The following METTL15 variants were observed in gnomAD, a reference collection of about 807,000 sequenced individuals.
METTL15 encodes the protein 12S rRNA N(4)-cytidine methyltransferase METTL15.
Under a neutral mutation model 38.3 loss-of-function variants are expected in METTL15, and 34 were observed. That is an observed-to-expected ratio of 0.89 (90% confidence interval 0.68 to 1.18). The LOEUF is 1.18. Ranked by LOEUF, METTL15 falls within the 50% of genes most tolerant of loss-of-function variation. The pLI, the probability that METTL15 is intolerant of heterozygous loss-of-function variation, is 0.00. For synonymous variants in METTL15, 162 were observed against 170.9 expected (o/e 0.95, Z 0.41); for missense variants, 438 against 498.4 (o/e 0.88, Z 1.15).
At chr11:28,450,158 A>T (rs144258335) in intron 6 of METTL15, among the ~76,000 whole-genome samples, 1 of 152,346 alleles carries the variant, frequency 6.6e-6, no homozygotes, top group African/African-American at 2.4e-5. Flanking sequence ...CAACTTACCA[A>T]GAGTTCATTA....
At chr11:28,136,275 A>C (rs1469367391) in intron 3 of METTL15, among the ~76,000 whole-genome samples, 1 of 152,122 alleles carries the variant, frequency 6.6e-6, no homozygotes. Flanking sequence ...TAATTGAATC[A>C]TGGGGGCAAT....
chr11:28,168,253 A>G (rs1321710773), intron 3 of METTL15, among the ~76,000 whole-genome samples: 1 of 152,064 alleles, frequency 6.6e-6, no homozygotes, highest in Non-Finnish European at 1.5e-5. Context: ...TCCTTGAGGA[A>G]ACTCACAGTC....
intron 6 of METTL15, among the ~76,000 whole-genome samples, chr11:28,426,386 G>C (rs1850864558): frequency 2.0e-5 from 3 of 151,882 alleles, no homozygotes; most frequent in Admixed American, 2.0e-4. Context: ...ATTGTGAATA[G>C]TGCTGCATGT....
chr11:28,198,018 C>G (rs1851973100), intron 3 of METTL15, among the ~76,000 whole-genome samples: 1 of 152,034 alleles, frequency 6.6e-6, no homozygotes, highest in Non-Finnish European at 1.5e-5. Context: ...ATACTATAAA[C>G]AGTCTATATA....
intron 4 of METTL15, among the ~76,000 whole-genome samples, chr11:28,275,000 A>G (rs1855788325): frequency 6.6e-6 from 1 of 151,588 alleles, no homozygotes; most frequent in Non-Finnish European, 1.5e-5. Context: ...TTATAGTAAT[A>G]TATGGCTTAC....
At chr11:28,344,771 AT>A (rs1849982662) in intron 3 of METTL15, among the ~76,000 whole-genome samples, 1 of 152,230 alleles carries the variant, frequency 6.6e-6, no homozygotes, top group Non-Finnish European at 1.5e-5. Flanking sequence ...ATGTCTGAGG[AT>A]TTGAATAGAT....
At chr11:28,435,070 T>G (rs185056175) in intron 6 of METTL15, among the ~76,000 whole-genome samples, 4 of 152,136 alleles carry the variant, frequency 2.6e-5, no homozygotes, top group Admixed American at 6.5e-5. Flanking sequence ...AAAACCTGTG[T>G]CCCCTAATTT....
chr11:28,518,357 G>A (rs1393377052), intron 6 of METTL15, among the ~76,000 whole-genome samples: 2 of 152,026 alleles, frequency 1.3e-5, no homozygotes, highest in African/African-American at 2.4e-5. Context: ...AGTGCCTGGC[G>A]CCACCACACA....
intron 4 of METTL15, among the ~76,000 whole-genome samples, chr11:28,271,685 C>G (rs1855645091): frequency 6.6e-6 from 1 of 152,018 alleles, no homozygotes; most frequent in African/African-American, 2.4e-5. Context: ...ATATATAGGT[C>G]AAGAATTACT....
At chr11:28,413,450 G>A (rs370183895) in intron 5 of METTL15, among the ~76,000 whole-genome samples, 139 of 152,160 alleles carry the variant, frequency 9.1e-4, no homozygotes, top group African/African-American at 1.6e-3. Context: ...ATTTTTACAG[G>A]TAAAACAAAA....
intron 5 of METTL15, among the ~76,000 whole-genome samples, chr11:28,413,046 T>C (rs1850742454): frequency 1.3e-5 from 2 of 152,048 alleles, no homozygotes; most frequent in South Asian, 2.1e-4. Context: ...ACTTCAACTA[T>C]ACACAATAAA....
intron 3 of METTL15, among the ~76,000 whole-genome samples, chr11:28,203,228 T>G (rs929815380): frequency 1.3e-5 from 2 of 152,080 alleles, no homozygotes; most frequent in Admixed American, 1.3e-4. Context: ...AAAATCATTT[T>G]TAAATTTCAA....
intron 3 of METTL15, among the ~76,000 whole-genome samples, chr11:28,194,380 AG>A (rs1851831486): frequency 1.3e-5 from 2 of 151,238 alleles, no homozygotes; most frequent in African/African-American, 4.9e-5. Flanking sequence ...TTGTATTTTT[AG>A]TACAGATGGA....
rs1411081943 is a variant in METTL15 at position 28,119,019 on chromosome 11, G to C, written c.270+5415G>C. Among the ~76,000 whole-genome samples the C allele has an allele frequency of 2.0e-5, 3 of 152,076 alleles. No individual in the cohort carries two copies. The East Asian group carries it at 5.8e-4, about 29-fold the overall frequency. ...GAGCAAAGGTGGAACCAACCTGTCT[G>C]GAACTGAAAAAGTACTGTTTCCTCT... On this transcript the variant is annotated intron_variant, in intron 3 of 6. Coordinates refer to ENST00000407364, the MANE Select transcript of METTL15 (RefSeq NM_001113528.2).
intron 4 of METTL15, among the ~76,000 whole-genome samples, chr11:28,216,695 A>C (rs887569882): frequency 6.9e-6 from 1 of 145,416 alleles, no homozygotes; most frequent in Non-Finnish European, 1.5e-5. Flanking sequence ...ATATCTCCAA[A>C]TGCTATCCCT....
chr11:28,481,480 G>T lies in METTL15; in HGVS notation c.*425-44998G>T, dbSNP rs535896180. Among the ~76,000 whole-genome samples, 8 of 152,306 alleles carry T rather than the reference G, an allele frequency of 5.3e-5. No homozygotes were observed. In the South Asian group the frequency reaches 1.5e-3, roughly 28 times the overall value. ...TTCCCAATTGTTCCAATTGTTGGGGGCACACTGAACGTCCCTGCAAAGGGA... is the reference window on the plus strand; with the variant it reads ...TTCCCAATTGTTCCAATTGTTGGGGTCACACTGAACGTCCCTGCAAAGGGA... On this transcript the variant is annotated intron_variant and NMD_transcript_variant, in intron 6 of 7. Coordinates refer to the METTL15 transcript ENST00000532947.
At chr11:28,116,464 A>G (rs1225155131) in intron 3 of METTL15, among the ~76,000 whole-genome samples, 1 of 152,204 alleles carries the variant, frequency 6.6e-6, no homozygotes, top group African/African-American at 2.4e-5. Flanking sequence ...CTTAGTGGTT[A>G]AGAGCAAAGA....
intron 3 of METTL15, among the ~76,000 whole-genome samples, chr11:28,155,806 C>T (rs1850243407): frequency 1.3e-5 from 2 of 152,140 alleles, no homozygotes; most frequent in South Asian, 4.1e-4. Flanking sequence ...GATCTTAAGA[C>T]AGTGCTTCAT....
intron 4 of METTL15, among the ~76,000 whole-genome samples, chr11:28,275,585 C>T (rs1855810102): frequency 6.6e-6 from 1 of 151,436 alleles, no homozygotes; most frequent in South Asian, 2.1e-4. Context: ...ACATAATTCT[C>T]CCTAACTAAT....
Sources: gnomAD v4.1 joint callset for allele counts (sites outside exome capture counted in the v4.1 genomes callset) on GRCh38, gnomAD v4.1.1 for gene constraint, MANE v1.5 for transcripts, NCBI Gene and HGNC (gene_info 2026-07-23, HGNC 2026-07-21) for gene names.